Variants in CPLANE1 observed in about 807,000 individuals in gnomAD.
The protein encoded by CPLANE1 is ciliogenesis and planar polarity effector complex subunit 1.
A neutral mutation model predicts 362.5 loss-of-function variants in CPLANE1; 263 were observed. That is an observed-to-expected ratio of 0.73 (90% confidence interval 0.66 to 0.80). The LOEUF is 0.80. Ranked by LOEUF, CPLANE1 falls within the 30% of genes least tolerant of loss-of-function variation. The pLI, the probability that CPLANE1 is intolerant of heterozygous loss-of-function variation, is 0.00. For missense variants in CPLANE1, 3,461 were observed against 3,793.4 expected, an observed-to-expected ratio of 0.91 and a Z score of 2.30; for synonymous variants, 1,212 against 1,302.6, an observed-to-expected ratio of 0.93 and a Z score of 1.50.
At chr5:37,163,927 A>G (rs1238391742) in intron 37 of CPLANE1, among the ~76,000 whole-genome samples, 1 of 152,220 alleles carries the variant, frequency 6.6e-6, no homozygotes. Flanking sequence ...AAGTCAATAA[A>G]AATTCTGAAG....
At chr5:37,108,256 CA>C (rs2149855963) in intron 52 of CPLANE1, 36 bp downstream of exon 52, 1 of 1,559,386 alleles carries the variant, frequency 6.4e-7, no homozygotes, top group East Asian at 2.2e-5. Context: ...GAACATAGAG[CA>C]ATCACTAGAC....
At chr5:37,227,494 C>A in intron 10 of CPLANE1, 74 bp downstream of exon 10, 1 of 1,483,038 alleles carries the variant, frequency 6.7e-7, no homozygotes, top group South Asian at 1.4e-5. Flanking sequence ...AATTCAAGGA[C>A]ATTATTGTCA....
At position 37,226,392 on chromosome 5, in the gene CPLANE1, C is replaced by T; in HGVS notation, c.2203G>A (p.Asp735Asn). The part of the protein sequence containing the change: ...LVVPIFQMFQ[D>N]SGFQKNWSWN... Reference sequence around the variant, plus strand: ...GACCAGTTTTTCTGAAAACCACTATCTTGAAACATCTGAAAAATAGGTACC... The same window carrying T: ...GACCAGTTTTTCTGAAAACCACTATTTTGAAACATCTGAAAAATAGGTACC... Residue 735 changes from aspartate to asparagine, a missense_variant, in exon 12 of 53, where the codon GAT becomes AAT. Coordinates refer to ENST00000651892, the MANE Select transcript of CPLANE1 (RefSeq NM_001384732.1). 1 of 1,550,034 alleles carries T rather than the reference C, an allele frequency of 6.5e-7. No homozygotes were observed. Among genetic ancestry groups the T allele is most frequent in the Non-Finnish European group, 8.7e-7 (1 of 1,146,500 alleles).
rs1276479001 is a variant in CPLANE1, at chr5:37,184,978, C to T, written c.4291G>A (p.Val1431Met). The T allele has an allele frequency of 1.1e-5, 17 of 1,614,072 alleles. No homozygotes were observed. Among genetic ancestry groups the T allele is most frequent in the Non-Finnish European group, 1.4e-5 (17 of 1,179,976 alleles). ...TCTTCAATTGGTTCCCATATATTCA[C>T]TTCAAAAGAGCCTATATTTCTCTGC... ...RVQRNIGSFEVNIWEPIEEEK... is the reference protein window; with the variant it reads ...RVQRNIGSFEMNIWEPIEEEK... Residue 1431 changes from valine to methionine, a missense_variant, in exon 25 of 53, where the codon GTG becomes ATG. By Grantham distance (21) the Val-to-Met change is conservative. Coordinates refer to ENST00000651892, the MANE Select transcript of CPLANE1 (RefSeq NM_001384732.1).
At chr5:37,248,281 C>A (rs1365514737) in intron 1 of CPLANE1, among the ~76,000 whole-genome samples, 5 of 151,410 alleles carry the variant, frequency 3.3e-5, no homozygotes, top group Non-Finnish European at 1.5e-5. Flanking sequence ...GCATGCACCA[C>A]CACACCGGAC....
At chr5:37,121,563 T>C in intron 49 of CPLANE1, 54 bp downstream of exon 49, 1 of 1,540,284 alleles carries the variant, frequency 6.5e-7, no homozygotes, top group Non-Finnish European at 9.0e-7. Context: ...GCTACATTTC[T>C]TCTTATCAGG....
intron 23 of CPLANE1, 108 bp from the exon 24 acceptor site, chr5:37,186,502 T>C: frequency 1.6e-6 from 1 of 634,460 alleles, no homozygotes; most frequent in Non-Finnish European, 2.9e-6. Flanking sequence ...CATTTCTTAC[T>C]AATCTTTTGA....
At chr5:37,100,556 T>G in the CPLANE1 span, among the ~76,000 whole-genome samples, 1 of 152,228 alleles carries the variant, frequency 6.6e-6, no homozygotes, top group Non-Finnish European at 1.5e-5. Flanking sequence ...GCCTCAAGCT[T>G]TGTTCTTTTT....
intron 47 of CPLANE1, among the ~76,000 whole-genome samples, chr5:37,124,237 A>G (rs1164553261): frequency 2.6e-5 from 4 of 152,186 alleles, no homozygotes; most frequent in Admixed American, 6.5e-5. Context: ...GGGATATTGT[A>G]TTTTATTTCA....
chr5:37,182,693 T>C (rs1354290290), intron 26 of CPLANE1, 67 bp downstream of exon 26: 7 of 955,964 alleles, frequency 7.3e-6, no homozygotes, highest in African/African-American at 1.7e-5. Context: ...AGATGGGAAA[T>C]GTAAACATAG....
intron 46 of CPLANE1, among the ~76,000 whole-genome samples, chr5:37,131,625 G>C (rs1418289082): frequency 6.6e-6 from 1 of 151,856 alleles, no homozygotes; most frequent in Admixed American, 6.6e-5. Flanking sequence ...CCACCTCCCA[G>C]GTTCAAGCGA....
At chr5:37,189,984 CTT>C (rs1230691882) in intron 21 of CPLANE1, among the ~76,000 whole-genome samples, 1 of 151,150 alleles carries the variant, frequency 6.6e-6, no homozygotes, top group Non-Finnish European at 1.5e-5. Context: ...GGGTGACAGA[CTT>C]GAGATTTTGT....
In CPLANE1 at chr5:37,224,841, G is replaced by A. The variant is rs114508632; in HGVS notation, c.2292-101C>T. On this transcript the variant is annotated intron_variant, in intron 12 of 52. Coordinates refer to ENST00000651892, the MANE Select transcript of CPLANE1 (RefSeq NM_001384732.1). Reference sequence around the variant, plus strand: ...TTTTTTTTTGCCTGTATTCTTCATCGGTATAACATACATACAAACTGATCA... The same window carrying A: ...TTTTTTTTTGCCTGTATTCTTCATCAGTATAACATACATACAAACTGATCA... 387 of 670,808 alleles carry A rather than the reference G, an allele frequency of 5.8e-4. 1 individual carries two copies. The African/African-American group carries it at 6.1e-3, about 11-fold the overall frequency. 41.6% of individuals were successfully genotyped at this position (670,808 alleles called of 1,614,324 possible).
At chr5:37,212,417 T>C (rs2150228871) in intron 16 of CPLANE1, 1 of 762,724 alleles carries the variant, frequency 1.3e-6, no homozygotes, top group South Asian at 1.4e-5. Flanking sequence ...TTACATACCA[T>C]GAGAAATTAC....
intron 29 of CPLANE1, among the ~76,000 whole-genome samples, chr5:37,178,882 C>T (rs569957007): frequency 6.6e-6 from 1 of 152,094 alleles, no homozygotes; most frequent in Non-Finnish European, 1.5e-5. Flanking sequence ...CCTCAGCCTT[C>T]TAAGTAGCTG....
intron 47 of CPLANE1, chr5:37,124,870 G>C (rs1180391745): frequency 3.0e-6 from 3 of 1,007,872 alleles, no homozygotes; most frequent in Non-Finnish European, 3.5e-6. Context: ...GCATAGAAGA[G>C]TGAGTTTTTA....
At chr5:37,161,396 C>T (rs1197443353) in intron 38 of CPLANE1, among the ~76,000 whole-genome samples, 2 of 152,180 alleles carry the variant, frequency 1.3e-5, no homozygotes, top group African/African-American at 2.4e-5. Context: ...AGGATAACTA[C>T]ATATAAAGCA....
downstream of CPLANE1, among the ~76,000 whole-genome samples, chr5:37,104,830 G>A (rs1230140751): frequency 6.6e-6 from 1 of 151,570 alleles, no homozygotes; most frequent in African/African-American, 2.4e-5. Flanking sequence ...GGCTGAAGCA[G>A]AAGAATCACT....
At chr5:37,239,069 G>A (rs527477987) in intron 7 of CPLANE1, 109 bp from the exon 8 acceptor site, 2 of 504,298 alleles carry the variant, frequency 4.0e-6, no homozygotes, top group Admixed American at 4.0e-5. Context: ...AACTATCTAG[G>A]GAGTATTTCC....
Sources: gnomAD v4.1 joint callset for allele counts (sites outside exome capture counted in the v4.1 genomes callset) on GRCh38, gnomAD v4.1.1 for gene constraint, MANE v1.5 for transcripts, NCBI Gene and HGNC (gene_info 2026-07-23, HGNC 2026-07-21) for gene names.